Variants in PARD3B observed in about 807,000 individuals in gnomAD.
PARD3B encodes the protein par-3 family cell polarity regulator beta.
PARD3B carries 103 observed loss-of-function variants against 130.2 expected under a neutral mutation model. That is an observed-to-expected ratio of 0.79 (90% CI 0.67 to 0.93). The LOEUF (loss-of-function observed/expected upper bound fraction) is 0.93. PARD3B is among the 40% of genes least tolerant of loss of function. PARD3B has a pLI of 0.00. For missense variants in PARD3B, 1,609 were observed against 1,499.2 expected, an observed-to-expected ratio of 1.07 and a Z score of -1.21; for synonymous variants, 583 against 553.2, an observed-to-expected ratio of 1.05 and a Z score of -0.76.
chr2:205,084,733 G>T (rs1559421908), intron 4 of PARD3B, among the ~76,000 whole-genome samples: 1 of 151,760 alleles, frequency 6.6e-6, no homozygotes, highest in Non-Finnish European at 1.5e-5. Flanking sequence ...TTTTGTTATT[G>T]ATCTTAATTG....
rs545397326 is a variant in PARD3B at position 204,797,614 on chromosome 2, TTATTA to T, written c.222+111335_222+111339del. ...ATTGTTTGGGCAATGATATTAAAAA[TTATTA>T]TAAACAGATACCACTATTTTACTGT... On this transcript the variant is annotated intron_variant, in intron 2 of 22. Transcript: ENST00000406610. Among the ~76,000 whole-genome samples, 31 of 152,358 alleles carry T rather than the reference TTATTA, an allele frequency of 2.0e-4. 1 individual carries two copies. In the South Asian group the frequency reaches 6.4e-3, roughly 32 times the overall value.
chr2:204,805,898 A>G (rs1218493542), intron 2 of PARD3B, among the ~76,000 whole-genome samples: 1 of 152,176 alleles, frequency 6.6e-6, no homozygotes, highest in Non-Finnish European at 1.5e-5. Context: ...AACTGAGTGT[A>G]GAAGGAACAT....
chr2:204,637,881 T>C lies in PARD3B; in HGVS notation c.121-48300T>C, dbSNP rs189328730. ...ATGCACAGTGTACTGCAGTGGGGCA[T>C]AGGAGAGAGATGCGGAAGAGGTGTG... On this transcript the variant is annotated intron_variant, in intron 1 of 22. Transcript: ENST00000406610. Among the ~76,000 whole-genome samples the C allele has an allele frequency of 3.2e-3, 482 of 152,146 alleles. 1 individual carries two copies. Among genetic ancestry groups the C allele is most frequent in the African/African-American group, 0.01 (426 of 41,514 alleles).
At chr2:205,445,172 C>T (rs564906050) in intron 20 of PARD3B, among the ~76,000 whole-genome samples, 3 of 152,280 alleles carry the variant, frequency 2.0e-5, no homozygotes, top group Admixed American at 2.0e-4. Context: ...AGATGAGTGA[C>T]TTGCCCAAGG....
At chr2:205,008,628 A>G (rs1308654486) in intron 3 of PARD3B, among the ~76,000 whole-genome samples, 1 of 152,186 alleles carries the variant, frequency 6.6e-6, no homozygotes, top group Admixed American at 6.5e-5. Context: ...GACTAAATAA[A>G]CTGAGAGATA....
At chr2:205,035,807 A>ATG (rs1697789025) in intron 3 of PARD3B, among the ~76,000 whole-genome samples, 1 of 13,736 alleles carries the variant, frequency 7.3e-5, no homozygotes, top group East Asian at 1.6e-3. Flanking sequence ...TCATATATAT[A>ATG]TATATATATA....
intron 2 of PARD3B, among the ~76,000 whole-genome samples, chr2:204,921,378 C>G (rs1395098677): frequency 1.3e-5 from 2 of 152,102 alleles, no homozygotes; most frequent in Non-Finnish European, 2.9e-5. Context: ...AGTTTCTAAT[C>G]TAGATGAGGT....
At chr2:205,284,956 A>G (rs530942406) in intron 16 of PARD3B, among the ~76,000 whole-genome samples, 5 of 149,268 alleles carry the variant, frequency 3.3e-5, no homozygotes, top group African/African-American at 1.2e-4. Context: ...AATAAGTCAC[A>G]TTGCTCAAAA....
intron 2 of PARD3B, among the ~76,000 whole-genome samples, chr2:204,816,731 A>G (rs543380848): frequency 1.3e-5 from 2 of 151,668 alleles, no homozygotes; most frequent in Admixed American, 1.3e-4. Context: ...ATATAGTTTT[A>G]TGGGTCTTAT....
At chr2:205,349,693 G>A (rs1423808680) in intron 18 of PARD3B, among the ~76,000 whole-genome samples, 1 of 151,562 alleles carries the variant, frequency 6.6e-6, no homozygotes, top group Non-Finnish European at 1.5e-5. Flanking sequence ...TTTAATTAAT[G>A]AGTAGGTAAC....
Position 205,241,667 on chromosome 2 carries a change from ACT to A in PARD3B, c.2141-4106_2141-4105del, listed in dbSNP as rs2039359643. 6.6e-6 allele frequency among the ~76,000 whole-genome samples: 1 copy of A among 151,952 alleles called. No individual in the cohort carries two copies. Among genetic ancestry groups the A allele is most frequent in the Non-Finnish European group, 1.5e-5 (1 of 67,928 alleles). ...AAACTTAGACTCTTGCTCCATCAAC[ACT>A]CTCTTACTCAATGCTTTTAATTAAT... On this transcript the variant is annotated intron_variant, in intron 15 of 22. Transcript: ENST00000406610. This position sits in a 1 kb window ranked among gnomAD's most constrained non-coding sequence, Gnocchi z 4.2.
intron 18 of PARD3B, among the ~76,000 whole-genome samples, chr2:205,382,275 T>C (rs2045481115): frequency 6.6e-6 from 1 of 152,072 alleles, no homozygotes; most frequent in Admixed American, 6.6e-5. Flanking sequence ...TGGAATGTAG[T>C]AGTGAGTTAT....
At chr2:205,344,198 G>GTTTGTGTT (rs776380154) in intron 18 of PARD3B, among the ~76,000 whole-genome samples, 42 of 147,050 alleles carry the variant, frequency 2.9e-4, no homozygotes, top group Non-Finnish European at 1.0e-4. Flanking sequence ...GTTGGTTTGT[G>GTTTGTGTT]TGTGTGTGTG....
In PARD3B at chr2:204,603,134, G is replaced by A. The variant is rs373916541; in HGVS notation, c.120+57015G>A. Among the ~76,000 whole-genome samples, 34 of 152,196 alleles carry A rather than the reference G, an allele frequency of 2.2e-4. No individual in the cohort carries two copies. The East Asian group carries it at 4.8e-3, about 22-fold the overall frequency. Reference sequence around the variant, plus strand: ...ATGAGGAAGGGTAGATAGATGGAACGTTCTTTAAGTCTGAAAAGTTAAAGG... The same window carrying A: ...ATGAGGAAGGGTAGATAGATGGAACATTCTTTAAGTCTGAAAAGTTAAAGG... On this transcript the variant is annotated intron_variant, in intron 1 of 22. Transcript: ENST00000406610.
In PARD3B at chr2:205,039,183, G is replaced by T. The variant is rs908957829; in HGVS notation, c.395-8398G>T. 2.6e-5 allele frequency among the ~76,000 whole-genome samples: 4 copies of T among 152,038 alleles called. No individual in the cohort carries two copies. The South Asian group carries it at 6.2e-4, about 24-fold the overall frequency. On this transcript the variant is annotated intron_variant, in intron 3 of 22. Coordinates refer to ENST00000406610, the MANE Select transcript of PARD3B (RefSeq NM_001302769.2). ...CTATACAAAAAGAGAAAATGTAGTT[G>T]CCTCCAAAAACAAATGATGTACCAC... is the stretch of plus-strand genomic sequence containing the variant.
intron 3 of PARD3B, among the ~76,000 whole-genome samples, chr2:204,992,126 G>C (rs973807696): frequency 3.3e-5 from 5 of 151,258 alleles, no homozygotes; most frequent in African/African-American, 1.2e-4. Context: ...CATTGCTTTT[G>C]GTGTTTTGGA....
At chr2:205,075,620 G>A (rs1341229893) in intron 4 of PARD3B, among the ~76,000 whole-genome samples, 1 of 145,852 alleles carries the variant, frequency 6.9e-6, no homozygotes, top group African/African-American at 2.5e-5. Context: ...TTCTTCATAA[G>A]AAATAGTTTA....
chr2:205,357,919 G>C (rs1220937272), intron 18 of PARD3B, among the ~76,000 whole-genome samples: 1 of 152,170 alleles, frequency 6.6e-6, no homozygotes, highest in African/African-American at 2.4e-5. Flanking sequence ...TGGCTTTGGA[G>C]GGATCTCCAT....
At chr2:204,780,040 A>G (rs1489451293) in intron 2 of PARD3B, among the ~76,000 whole-genome samples, 1 of 152,132 alleles carries the variant, frequency 6.6e-6, no homozygotes, top group Non-Finnish European at 1.5e-5. Flanking sequence ...GAGAATTCCT[A>G]ATTTCCTCTG....
Sources: allele counts gnomAD v4.1 joint callset (sites outside exome capture counted in the v4.1 genomes callset), GRCh38; gene constraint gnomAD v4.1.1; non-coding constraint Gnocchi (gnomAD v3.1); transcripts MANE v1.5; gene names NCBI Gene and HGNC (gene_info 2026-07-23, HGNC 2026-07-21).